The following GCAT variants were observed in gnomAD, a reference collection of about 807,000 sequenced individuals.
The protein encoded by GCAT is glycine C-acetyltransferase.
In GCAT, 26 loss-of-function variants were observed where a neutral mutation model predicts 39.7. That is an observed-to-expected ratio of 0.65 (90% CI 0.48 to 0.91). GCAT has a LOEUF of 0.91. Among genes scored for constraint, GCAT ranks in the 40% least tolerant of loss-of-function variants. The probability of loss-of-function intolerance (pLI) is 0.00; values close to 1 mark genes in which losing one functional copy is unlikely to be tolerated. For missense variants in GCAT, 550 were observed against 576.2 expected, an observed-to-expected ratio of 0.95 and a Z score of 0.47; for synonymous variants, 218 against 237.2, an observed-to-expected ratio of 0.92 and a Z score of 0.74.
Position 37,816,634 on chromosome 22 carries a change from C to T in GCAT, c.1176C>T (p.Ile392=), listed in dbSNP as rs370244901. 1 of 1,614,070 alleles carries T rather than the reference C, an allele frequency of 6.2e-7. No individual in the cohort carries two copies. Among genetic ancestry groups the T allele is most frequent in the African/African-American group, 1.3e-5 (1 of 74,942 alleles). The change falls in exon 9 of 9, where the codon ATC becomes ATT. Residue 392 remains isoleucine, a synonymous_variant. Transcript: ENST00000248924. ...PKGKARIRVQ[I]SAVHSEEDID... is the part of the protein sequence containing the mutation. ...GCAAGGCCCGGATCCGGGTACAGATCTCAGCAGTGCATAGCGAGGAAGACA... is the reference window on the plus strand; with the variant it reads ...GCAAGGCCCGGATCCGGGTACAGATTTCAGCAGTGCATAGCGAGGAAGACA...
intron 8 of GCAT, 49 bp from the exon 9 acceptor site, chr22:37,816,518 G>T (rs1569084672): frequency 6.2e-7 from 1 of 1,606,252 alleles, no homozygotes; most frequent in African/African-American, 1.3e-5. Flanking sequence ...TCTGTGTTCT[G>T]CCCCCAAGCC....
intron 1 of GCAT, among the ~76,000 whole-genome samples, chr22:37,809,643 G>A (rs1921347906): frequency 1.3e-5 from 2 of 151,936 alleles, no homozygotes; most frequent in Admixed American, 1.3e-4. Context: ...AACATAATGA[G>A]ACCCCATCTC....
intron 2 of GCAT, among the ~76,000 whole-genome samples, chr22:37,811,808 A>T (rs1324599296): frequency 7.0e-6 from 1 of 141,982 alleles, no homozygotes; most frequent in African/African-American, 2.6e-5. Flanking sequence ...CCCATGAGGC[A>T]GGGGTTGCAG....
chr22:37,816,224 T>C lies in GCAT; in HGVS notation c.1011T>C (p.Ala337=). ...GGTTCCGTAGTAAGATGGAAGCTGCTGGCTTCACTATCTCGGGAGCCAGTC... is the reference window on the plus strand; with the variant it reads ...GGTTCCGTAGTAAGATGGAAGCTGCCGGCTTCACTATCTCGGGAGCCAGTC... ...TQRFRSKMEA[A]GFTISGASHP... is the part of the protein sequence containing the mutation. Residue 337 remains alanine (A), a synonymous_variant, in exon 8 of 9, where the codon GCT becomes GCC. Transcript: ENST00000248924. The C allele has an allele frequency of 6.2e-7, 1 of 1,613,590 alleles. No homozygotes were observed. The highest frequency in any genetic ancestry group is 1.1e-5 in the South Asian group (1 of 91,078).
chr22:37,810,806 C>G (rs1481853761), intron 2 of GCAT, among the ~76,000 whole-genome samples: 1 of 152,148 alleles, frequency 6.6e-6, no homozygotes, highest in Non-Finnish European at 1.5e-5. Context: ...TGAGCCACCG[C>G]ACTCGGCCTA....
chr22:37,815,873 C>T lies in GCAT; in HGVS notation c.986+39C>T, dbSNP rs779582699. 7.5e-6 allele frequency: 12 copies of T among 1,607,052 alleles called. No individual in the cohort carries two copies. In the Middle Eastern group the frequency reaches 7.1e-4, roughly 96 times the overall value. Reference sequence around the variant, plus strand: ...CAGGGCAGGCTCGGGGGCGGAGAGACGTGGTGAGAGCCAGCCTCATGTGTC... The same window carrying T: ...CAGGGCAGGCTCGGGGGCGGAGAGATGTGGTGAGAGCCAGCCTCATGTGTC... On this transcript the variant is annotated intron_variant, in intron 7 of 8. Coordinates refer to ENST00000248924, the MANE Select transcript of GCAT (RefSeq NM_014291.4).
rs181855771 is a variant in GCAT at position 37,812,865 on chromosome 22, G to C, written c.328-22G>C. ...CACATGACCCCACAGGCATCAACAC[G>C]TGTCTCACTCATTTTCTTCAGAGCA... On this transcript the variant is annotated intron_variant, in intron 2 of 8. Coordinates refer to ENST00000248924, the MANE Select transcript of GCAT (RefSeq NM_014291.4). The C allele has an allele frequency of 7.7e-5, 118 of 1,532,160 alleles. 1 individual carries two copies. In the East Asian group the frequency reaches 2.0e-3, roughly 26 times the overall value. 94.9% of individuals were successfully genotyped at this position (1,532,160 alleles called of 1,614,324 possible).
chr22:37,815,862 G>C (rs539537827), intron 7 of GCAT, 28 bp downstream of exon 7: 32 of 1,611,470 alleles, frequency 2.0e-5, no homozygotes, highest in Middle Eastern at 1.7e-4. Context: ...GCAGGCTCGG[G>C]GGCGGAGAGA....
intron 6 of GCAT, 22 bp downstream of exon 6, chr22:37,815,522 TG>T: frequency 6.3e-7 from 1 of 1,587,722 alleles, no homozygotes; most frequent in South Asian, 1.1e-5. Flanking sequence ...GTTGTGTCCC[TG>T]GGGTCCCCTT....
chr22:37,815,366 A>G, intron 5 of GCAT, 52 bp from the exon 6 acceptor site: 1 of 1,596,956 alleles, frequency 6.3e-7, no homozygotes, highest in Non-Finnish European at 8.6e-7. Context: ...CATGATCCAT[A>G]ATCCCTGGGC....
intron 2 of GCAT, among the ~76,000 whole-genome samples, chr22:37,812,606 A>C (rs576261857): frequency 6.6e-6 from 1 of 152,326 alleles, no homozygotes; most frequent in East Asian, 1.9e-4. Flanking sequence ...AGGAAGACAC[A>C]TCTTTCTTCT....
rs1921144203 is a variant in GCAT at position 37,808,015 on chromosome 22, C to T, written c.48C>T (p.Arg16=). The T allele has an allele frequency of 3.9e-6, 6 of 1,545,516 alleles. No homozygotes were observed. The highest frequency in any genetic ancestry group is 1.4e-5 in the African/African-American group (1 of 72,118). ...AWRAALFWVP[R]GRRAQSALAQ... ...GCGCCGCACTCTTCTGGGTGCCCCG[C>T]GGCCGCCGCGCACAGTCAGCGCTGG... Residue 16 remains arginine, a synonymous_variant, in exon 1 of 9, where the codon CGC becomes CGT. Coordinates refer to ENST00000248924, the MANE Select transcript of GCAT (RefSeq NM_014291.4).
At chr22:37,813,056 G>A (rs1221747987) in intron 3 of GCAT, 68 bp downstream of exon 3, 3 of 1,107,366 alleles carry the variant, frequency 2.7e-6, no homozygotes, top group Non-Finnish European at 4.2e-6. Flanking sequence ...CTTGGGTGTG[G>A]GCAGTCGGGA....
At chr22:37,809,410 CTT>C (rs1921325389) in intron 1 of GCAT, among the ~76,000 whole-genome samples, 1 of 152,172 alleles carries the variant, frequency 6.6e-6, no homozygotes, top group East Asian at 1.9e-4. Context: ...ATCCAGCCCT[CTT>C]CTTTAACCCT....
chr22:37,808,614 A>C (rs985182631), intron 1 of GCAT, among the ~76,000 whole-genome samples: 3 of 152,210 alleles, frequency 2.0e-5, no homozygotes, highest in Non-Finnish European at 4.4e-5. Context: ...CATAGCAAGC[A>C]AGGGGTCCCA....
chr22:37,808,927 TCCTC>T (rs1921272316), intron 1 of GCAT, among the ~76,000 whole-genome samples: 1 of 152,182 alleles, frequency 6.6e-6, no homozygotes, highest in Admixed American at 6.5e-5. Context: ...CCTCAAGTGA[TCCTC>T]CCGCCTCAGC....
Position 37,810,035 on chromosome 22 carries a change from A to T in GCAT, c.205A>T (p.Asn69Tyr), listed in dbSNP as rs772351702. Residue 69 changes from asparagine to tyrosine, a missense_variant, in exon 2 of 9, where the codon AAC (asparagine) becomes TAC (tyrosine). By Grantham distance (143) the Asn-to-Tyr change is moderately radical (BLOSUM62 -2). Transcript: ENST00000248924. ...CCTCTCCTTCACCTCAGGAATCCTT[A>T]ACTTCTGTGCCAACAACTACCTGGG... ...RVDGVSGGILNFCANNYLGLS... is the reference protein window; with the variant it reads ...RVDGVSGGILYFCANNYLGLS... 1.2e-6 allele frequency: 2 copies of T among 1,613,882 alleles called. No individual in the cohort carries two copies. The highest frequency in any genetic ancestry group is 1.7e-5 in the Admixed American group (1 of 60,002).
Position 37,808,009 on chromosome 22 carries a change from G to GC in GCAT, c.46dup (p.Arg16ProfsTer32). The GC allele has an allele frequency of 1.3e-6, 2 of 1,544,324 alleles. No homozygotes were observed. The highest frequency in any genetic ancestry group is 3.9e-5 in the Admixed American group (2 of 50,762). ...CCTGGCGCGCCGCACTCTTCTGGGT[G>GC]CCCCGCGGCCGCCGCGCACAGTCAG... On this transcript the variant is annotated frameshift_variant, in exon 1 of 9. Transcript: ENST00000248924. LOFTEE classifies it high-confidence loss of function.
At chr22:37,808,251 A>G in intron 1 of GCAT, 88 bp downstream of exon 1, 2 of 1,075,476 alleles carry the variant, frequency 1.9e-6, no homozygotes, top group African/African-American at 3.4e-5. Context: ...GGCGGCTCCT[A>G]CACTCTTAGC....
Sources: allele counts gnomAD v4.1 joint callset (sites outside exome capture counted in the v4.1 genomes callset), GRCh38; gene constraint gnomAD v4.1.1; transcripts MANE v1.5; gene names NCBI Gene and HGNC (gene_info 2026-07-23, HGNC 2026-07-21).